SPAG5: variants seen among roughly 807,000 people sequenced by gnomAD.
SPAG5 encodes sperm-associated antigen 5.
SPAG5 carries 99 observed loss-of-function variants against 145.4 expected under a neutral mutation model. The ratio of observed to expected loss-of-function variants is 0.68; its 90% confidence interval spans 0.58 to 0.80. SPAG5 has a LOEUF of 0.80. SPAG5 is among the 30% of genes least tolerant of loss of function. The probability of loss-of-function intolerance (pLI) is 0.00; values close to 1 mark genes in which losing one functional copy is unlikely to be tolerated. For missense variants in SPAG5, 1,192 were observed against 1,416.0 expected, an observed-to-expected ratio of 0.84 and a Z score of 2.54; for synonymous variants, 477 against 525.4, an observed-to-expected ratio of 0.91 and a Z score of 1.26.
intron 3 of SPAG5, 55 bp from the exon 4 acceptor site, chr17:28,591,927 G>T (rs2070624124): frequency 6.2e-7 from 1 of 1,609,540 alleles, no homozygotes; most frequent in Non-Finnish European, 8.5e-7. Context: ...AGGGATGGGA[G>T]GGGAAGGTCC....
In SPAG5 at chr17:28,592,047, G is replaced by GT; in HGVS notation, c.1196dup (p.Asn399LysfsTer16). On this transcript the variant is annotated frameshift_variant, in exon 3 of 24. Transcript: ENST00000321765. LOFTEE classifies it high-confidence loss of function. ...TGCCAACCAGGCCTGTCTGGGATGT[G>GT]TTTGTACTCTTTTCCTGTGGTGCTG... is the stretch of plus-strand genomic sequence containing the variant. 1 of 1,614,204 alleles carries GT rather than the reference G, an allele frequency of 6.2e-7. No homozygotes were observed. The highest frequency in any genetic ancestry group is 2.2e-5 in the East Asian group (1 of 44,888).
At chr17:28,597,848 T>C (rs1010316083) in intron 2 of SPAG5, among the ~76,000 whole-genome samples, 3 of 152,198 alleles carry the variant, frequency 2.0e-5, no homozygotes, top group Non-Finnish European at 2.9e-5. Flanking sequence ...AGGGAAAATA[T>C]GGTAAACTAC....
At position 28,579,187 on chromosome 17, in the gene SPAG5, T is replaced by G. The variant is rs1393903963; in HGVS notation, c.3071A>C (p.Glu1024Ala). 2.5e-6 allele frequency: 4 copies of G among 1,614,188 alleles called. No individual in the cohort carries two copies. The highest frequency in any genetic ancestry group is 2.2e-5 in the South Asian group (2 of 91,086). Residue 1024 changes from glutamate to alanine, a missense_variant, in exon 19 of 24, where the codon GAA becomes GCA. Physicochemically the swap from Glu to Ala is moderately radical, Grantham distance 107 (BLOSUM62 -1). Coordinates refer to ENST00000321765, the MANE Select transcript of SPAG5 (RefSeq NM_006461.4). ...EQHQEVQKAK[E>A]ADIEKLNQAL... ...CTGGTTCAGCTTCTCTATGTCTGCTTCTTTTGCCTTCTGGACTTCCTGATG... is the reference window on the plus strand; with the variant it reads ...CTGGTTCAGCTTCTCTATGTCTGCTGCTTTTGCCTTCTGGACTTCCTGATG...
chr17:28,586,877 C>T (rs1209928454), intron 4 of SPAG5, among the ~76,000 whole-genome samples: 2 of 152,270 alleles, frequency 1.3e-5, no homozygotes, highest in African/African-American at 4.8e-5. Context: ...GCACCTCATT[C>T]TTCCTCCCAC....
chr17:28,585,877 C>T lies in SPAG5; in HGVS notation c.1727G>A (p.Arg576Lys), dbSNP rs781661610. Residue 576 changes from arginine (R) to lysine (K), a missense_variant, in exon 7 of 24, where the codon AGA becomes AAA. Transcript: ENST00000321765. ...EARHREEMAL[R>K]GKDAAEIVLE... ...CTGTCACCTTACCGCATCCTTGCCT[C>T]TGAGAGCCATTTCCTCTCTGTGCCT... 1 of 1,614,234 alleles carries T rather than the reference C, an allele frequency of 6.2e-7. No individual in the cohort carries two copies.
chr17:28,590,233 G>A (rs1416703861), intron 4 of SPAG5, among the ~76,000 whole-genome samples: 5 of 151,946 alleles, frequency 3.3e-5, no homozygotes, highest in Non-Finnish European at 7.4e-5. Flanking sequence ...GCAACAATTC[G>A]TGACTCTGTT....
Position 28,578,130 on chromosome 17 carries a change from G to A in SPAG5, c.3430-40C>T, listed in dbSNP as rs1257888331. The A allele has an allele frequency of 6.2e-6, 10 of 1,610,330 alleles. No individual in the cohort carries two copies. In the African/African-American group the frequency reaches 8.0e-5, roughly 13 times the overall value. ...GATTTTATAAGTCCTATGCATAAAA[G>A]AGCAAACTTGGTAGGACAGGGGAAA... On this transcript the variant is annotated intron_variant, in intron 22 of 23. Transcript: ENST00000321765.
At chr17:28,578,888 G>A (rs2070528145) in intron 19 of SPAG5, 136 bp from the exon 20 acceptor site, 1 of 787,722 alleles carries the variant, frequency 1.3e-6, no homozygotes, top group South Asian at 1.5e-5. Flanking sequence ...TCTTTCCCCA[G>A]GGCCAAGCCA....
Position 28,591,997 on chromosome 17 carries a change from T to C in SPAG5, c.1247A>G (p.Glu416Gly), listed in dbSNP as rs751310330. The C allele has an allele frequency of 5.0e-6, 8 of 1,614,008 alleles. No homozygotes were observed. The Admixed American group carries it at 5.0e-5, about 10-fold the overall frequency. ...VGTKHSTSETEQLLCGRPPDL... is the reference protein window; with the variant it reads ...VGTKHSTSETGQLLCGRPPDL... ...GGGCGCTTACCCACACAGGAGCTGC[T>C]CTGTCTCAGAAGTACTGTGCTTGGT... The change falls in exon 3 of 24, where the codon GAG (glutamate) becomes GGG (glycine). Residue 416 changes from glutamate to glycine, a missense_variant. By Grantham distance (98) the Glu-to-Gly change is moderately conservative. Transcript: ENST00000321765.
Position 28,585,225 on chromosome 17 carries a change from G to C in SPAG5, c.1954-10C>G, listed in dbSNP as rs182523824. On this transcript the variant is annotated splice_polypyrimidine_tract_variant and intron_variant, in intron 9 of 23. Coordinates refer to ENST00000321765, the MANE Select transcript of SPAG5 (RefSeq NM_006461.4). Reference sequence around the variant, plus strand: ...CTGTCCATGTTGTATACTACCAGGGGAAGCAAGCAGGTCAGTAGAGCACAC... The same window carrying C: ...CTGTCCATGTTGTATACTACCAGGGCAAGCAAGCAGGTCAGTAGAGCACAC... 1.0e-4 allele frequency: 169 copies of C among 1,613,614 alleles called. 2 individuals carry two copies. The Admixed American group carries it at 2.8e-3, about 27-fold the overall frequency.
intron 4 of SPAG5, among the ~76,000 whole-genome samples, chr17:28,587,580 G>A (rs2070594109): frequency 6.6e-6 from 1 of 151,846 alleles, no homozygotes; most frequent in Non-Finnish European, 1.5e-5. Flanking sequence ...AGCCAGGCAT[G>A]GTGGCACATG....
intron 11 of SPAG5, 24 bp downstream of exon 11, chr17:28,584,628 A>G (rs2070571233): frequency 1.3e-6 from 2 of 1,598,206 alleles, no homozygotes; most frequent in Non-Finnish European, 1.7e-6. Flanking sequence ...ACATGCATGC[A>G]TACACACACA....
At chr17:28,598,773 G>A (rs1381547151) in intron 1 of SPAG5, 123 bp downstream of exon 1, 34 of 1,508,194 alleles carry the variant, frequency 2.3e-5, no homozygotes, top group Non-Finnish European at 3.0e-5. Flanking sequence ...GCAGCAAGGC[G>A]AACAAAGACT....
intron 19 of SPAG5, 61 bp from the exon 20 acceptor site, chr17:28,578,813 A>G: frequency 7.4e-7 from 1 of 1,357,702 alleles, no homozygotes; most frequent in Non-Finnish European, 1.1e-6. Flanking sequence ...AGCCCTTGCC[A>G]GGAGGTAGGA....
chr17:28,597,984 T>A (rs1173874589), intron 2 of SPAG5, among the ~76,000 whole-genome samples: 1 of 152,214 alleles, frequency 6.6e-6, no homozygotes, highest in Non-Finnish European at 1.5e-5. Flanking sequence ...CCTTGACAAG[T>A]TTTGACAGCA....
intron 4 of SPAG5, among the ~76,000 whole-genome samples, chr17:28,591,146 G>A (rs111985782): frequency 4.6e-5 from 7 of 152,056 alleles, no homozygotes; most frequent in South Asian, 2.1e-4. Context: ...TGCAAAAAAC[G>A]AAGAAAAAGA....
intron 18 of SPAG5, 52 bp from the exon 19 acceptor site, chr17:28,579,304 G>GCATAAGAGGC: frequency 6.2e-7 from 1 of 1,613,538 alleles, no homozygotes; most frequent in Non-Finnish European, 8.5e-7. Context: ...GGATCAGTTG[G>GCATAAGAGGC]ACCCTTGGCA....
At chr17:28,586,044 T>C in intron 6 of SPAG5, 46 bp from the exon 7 acceptor site, 1 of 1,614,024 alleles carries the variant, frequency 6.2e-7, no homozygotes, top group Non-Finnish European at 8.5e-7. Flanking sequence ...TCTTTATGGC[T>C]TTTAGTCCCA....
At position 28,579,691 on chromosome 17, in the gene SPAG5, T is replaced by C. The variant is rs541783311; in HGVS notation, c.2884+60A>G. On this transcript the variant is annotated intron_variant, in intron 17 of 23. Transcript: ENST00000321765. ...CAAAGCACTTCTCACTGCTTTCGTC[T>C]TTACTCATCACCACCAGATTTTCTA... The C allele has an allele frequency of 1.1e-4, 171 of 1,533,608 alleles. No individual in the cohort carries two copies. In the South Asian group the frequency reaches 1.8e-3, roughly 16 times the overall value.
Sources: allele counts gnomAD v4.1 joint callset (sites outside exome capture counted in the v4.1 genomes callset), GRCh38; gene constraint gnomAD v4.1.1; transcripts MANE v1.5; gene names NCBI Gene and HGNC (gene_info 2026-07-23, HGNC 2026-07-21).